MRTFA: variants seen among roughly 807,000 people sequenced by gnomAD.
MRTFA encodes myocardin related transcription factor A.
Under a neutral mutation model 83.5 loss-of-function variants are expected in MRTFA, and 20 were observed. The ratio of observed to expected loss-of-function variants is 0.24; its 90% confidence interval spans 0.17 to 0.35. The LOEUF is 0.35. MRTFA is among the 10% of genes least tolerant of loss of function. The probability of loss-of-function intolerance (pLI) is 1.00; values close to 1 mark genes in which losing one functional copy is unlikely to be tolerated. For missense variants in MRTFA, 1,200 were observed against 1,224.7 expected, an observed-to-expected ratio of 0.98 and a Z score of 0.30; for synonymous variants, 659 against 541.2, an observed-to-expected ratio of 1.22 and a Z score of -3.02.
chr22:40,459,972 TCTCGCTGTTGCCTAG>T (rs1219694897), intron 4 of MRTFA, among the ~76,000 whole-genome samples: 5 of 151,198 alleles, frequency 3.3e-5, no homozygotes, highest in Admixed American at 6.6e-5. Context: ...TGAGACGGGG[TCTCGCTGTTGCCTAG>T]GCTGGAGTGC....
chr22:40,475,320 C>T (rs2053975066), intron 3 of MRTFA, among the ~76,000 whole-genome samples: 1 of 151,682 alleles, frequency 6.6e-6, no homozygotes. Context: ...GGCGGATCAC[C>T]TGAGGTCAGG....
At chr22:40,531,284 TTAA>T (rs2055076332) in intron 3 of MRTFA, among the ~76,000 whole-genome samples, 1 of 149,128 alleles carries the variant, frequency 6.7e-6, no homozygotes, top group African/African-American at 2.5e-5. Flanking sequence ...TTTTTTTTTT[TTAA>T]TTTTTTGTAG....
intron 2 of MRTFA, among the ~76,000 whole-genome samples, chr22:40,585,705 T>C (rs1347554734): frequency 6.6e-6 from 1 of 152,148 alleles, no homozygotes; most frequent in Non-Finnish European, 1.5e-5. Context: ...GGATGAGAGT[T>C]AGCAGAGAAT....
intron 1 of MRTFA, among the ~76,000 whole-genome samples, chr22:40,622,266 G>A (rs1387608834): frequency 2.0e-5 from 3 of 152,020 alleles, no homozygotes; most frequent in African/African-American, 7.2e-5. Context: ...TAGATCACGA[G>A]GTCAGGAGTT....
At chr22:40,548,161 C>T (rs1261337222) in intron 3 of MRTFA, among the ~76,000 whole-genome samples, 1 of 151,926 alleles carries the variant, frequency 6.6e-6, no homozygotes, top group East Asian at 1.9e-4. Flanking sequence ...GAGTTCGAGA[C>T]CTGCCTGGCC....
chr22:40,613,108 CTT>C (rs2056406041), intron 1 of MRTFA, among the ~76,000 whole-genome samples: 1 of 152,148 alleles, frequency 6.6e-6, no homozygotes, highest in African/African-American at 2.4e-5. Context: ...AGTAAGTTCT[CTT>C]TTGTTTTCTT....
intron 7 of MRTFA, among the ~76,000 whole-genome samples, chr22:40,428,334 A>G (rs1401988161): frequency 2.6e-5 from 4 of 152,216 alleles, no homozygotes; most frequent in Non-Finnish European, 5.9e-5. Context: ...GCTGGTGTCC[A>G]CTGGAGAACT....
chr22:40,529,122 T>G (rs2055031002), intron 3 of MRTFA, among the ~76,000 whole-genome samples: 1 of 152,144 alleles, frequency 6.6e-6, no homozygotes, highest in Non-Finnish European at 1.5e-5. Flanking sequence ...AACTTATATG[T>G]CCACAATCTG....
At chr22:40,413,664 C>T (rs1353451768) in intron 14 of MRTFA, among the ~76,000 whole-genome samples, 1 of 152,112 alleles carries the variant, frequency 6.6e-6, no homozygotes, top group Admixed American at 6.5e-5. Flanking sequence ...AGGATGGTCT[C>T]GATCTCCTGA....
chr22:40,508,512 TCAA>T (rs1439504016), intron 3 of MRTFA, among the ~76,000 whole-genome samples: 1 of 38,546 alleles, frequency 2.6e-5, no homozygotes, highest in African/African-American at 9.9e-5. Context: ...ACTCCGTCTC[TCAA>T]AAAAAAAAAA....
chr22:40,473,900 G>C (rs930953525), intron 3 of MRTFA, among the ~76,000 whole-genome samples: 11 of 152,164 alleles, frequency 7.2e-5, no homozygotes, highest in Non-Finnish European at 1.6e-4. Context: ...TTCATTCTTA[G>C]AATGCATGAT....
chr22:40,441,407 G>C (rs2053271075), intron 4 of MRTFA, among the ~76,000 whole-genome samples: 1 of 152,122 alleles, frequency 6.6e-6, no homozygotes, highest in Non-Finnish European at 1.5e-5. Flanking sequence ...CTCCTAACTT[G>C]TTTGCTGCCT....
intron 11 of MRTFA, 103 bp from the exon 12 acceptor site, chr22:40,419,487 T>C (rs1365620255): frequency 2.0e-6 from 2 of 1,003,276 alleles, no homozygotes; most frequent in Non-Finnish European, 3.0e-6. Flanking sequence ...TGCAGATGCA[T>C]CAACTACCCT....
At chr22:40,456,640 T>C (rs541515045) in intron 4 of MRTFA, among the ~76,000 whole-genome samples, 1 of 152,212 alleles carries the variant, frequency 6.6e-6, no homozygotes, top group Non-Finnish European at 1.5e-5. Context: ...TGAGCTGAGA[T>C]TGCGCCACTG....
At chr22:40,506,027 A>T (rs764128544) in intron 3 of MRTFA, among the ~76,000 whole-genome samples, 107 of 152,282 alleles carry the variant, frequency 7.0e-4, no homozygotes, top group Admixed American at 1.2e-3. Flanking sequence ...AGGTCAGAAG[A>T]TCGAGACCAT....
At chr22:40,631,245 G>A (rs75506855) in intron 1 of MRTFA, among the ~76,000 whole-genome samples, 90 of 152,244 alleles carry the variant, frequency 5.9e-4, no homozygotes, top group African/African-American at 1.9e-3. Flanking sequence ...ACTCATATCA[G>A]TCTATATTCA....
At chr22:40,422,015 G>A (rs960733680) in intron 9 of MRTFA, among the ~76,000 whole-genome samples, 1 of 152,240 alleles carries the variant, frequency 6.6e-6, no homozygotes, top group African/African-American at 2.4e-5. Flanking sequence ...GGGAGCATGG[G>A]AAGGATGGAG....
intron 3 of MRTFA, among the ~76,000 whole-genome samples, chr22:40,472,116 G>A (rs778147538): frequency 6.6e-6 from 1 of 152,150 alleles, no homozygotes; most frequent in South Asian, 2.1e-4. Flanking sequence ...CCTTATCCCT[G>A]TAATCCTTCT....
intron 5 of MRTFA, among the ~76,000 whole-genome samples, chr22:40,434,383 A>G (rs2053127075): frequency 6.6e-6 from 1 of 151,384 alleles, no homozygotes; most frequent in South Asian, 2.1e-4. Flanking sequence ...GAAAGTTTAA[A>G]AAAAAAAAAA....
Sources: allele counts gnomAD v4.1 joint callset (sites outside exome capture counted in the v4.1 genomes callset), GRCh38; gene constraint gnomAD v4.1.1; transcripts MANE v1.5; gene names NCBI Gene and HGNC (gene_info 2026-07-23, HGNC 2026-07-21).